ITGB5: variants seen among roughly 807,000 people sequenced by gnomAD.
The protein encoded by ITGB5 is integrin subunit beta 5, also known as integrin beta-5.
ITGB5 carries 38 observed loss-of-function variants against 84.8 expected under a neutral mutation model. The observed-to-expected ratio is 0.45, with a 90% confidence interval of 0.35 to 0.59. The LOEUF (loss-of-function observed/expected upper bound fraction) is 0.59, where lower values mean the gene tolerates loss of function less well. Ranked by LOEUF, ITGB5 falls within the 20% of genes least tolerant of loss-of-function variation. The probability of loss-of-function intolerance (pLI) is 0.01; values close to 1 mark genes in which losing one functional copy is unlikely to be tolerated. For missense variants in ITGB5, 905 were observed against 1,034.5 expected (o/e 0.87, Z 1.72); for synonymous variants, 393 against 414.4 (o/e 0.95, Z 0.63).
intron 1 of ITGB5, among the ~76,000 whole-genome samples, chr3:124,895,855 A>G (rs1216055756): frequency 2.0e-5 from 3 of 152,214 alleles, no homozygotes; most frequent in African/African-American, 7.2e-5. Flanking sequence ...ATTGAGTTCC[A>G]GTCCTCATTG....
intron 2 of ITGB5, among the ~76,000 whole-genome samples, chr3:124,871,933 G>A (rs188320809): frequency 3.5e-4 from 54 of 152,248 alleles, no homozygotes; most frequent in Non-Finnish European, 6.3e-4. Context: ...GAGAAACACC[G>A]GGAAGATCAG....
chr3:124,871,397 T>C (rs1934042478), intron 2 of ITGB5, among the ~76,000 whole-genome samples: 1 of 152,156 alleles, frequency 6.6e-6, no homozygotes, highest in African/African-American at 2.4e-5. Flanking sequence ...GGTTTCACCA[T>C]ATTGGCCAGG....
intron 1 of ITGB5, among the ~76,000 whole-genome samples, chr3:124,881,882 C>T (rs375243453): frequency 6.6e-6 from 1 of 152,124 alleles, no homozygotes; most frequent in East Asian, 1.9e-4. Flanking sequence ...GCAGGAGAAT[C>T]GCTTGAACCT....
chr3:124,762,881 G>A lies in ITGB5; in HGVS notation c.*742C>T, dbSNP rs890855080. 3.3e-5 allele frequency: 5 copies of A among 152,228 alleles called. No individual in the cohort carries two copies. The South Asian group carries it at 8.3e-4, about 25-fold the overall frequency. The allele number at this position is 152,228 out of a possible 1,614,324, so 9.4% of individuals were successfully genotyped here. A position where few individuals can be genotyped will look rare whatever the true frequency, so the allele number is the denominator to read the frequency against. ...GTGTCCCATCCCTGAGGAAGTACAC[G>A]GCCGCTTCAATCCCCACTGGGGGCA... On this transcript the variant is annotated 3_prime_UTR_variant, in exon 15 of 15. Coordinates refer to ENST00000296181, the MANE Select transcript of ITGB5 (RefSeq NM_002213.5).
At chr3:124,842,408 A>G (rs1024992937) in intron 4 of ITGB5, among the ~76,000 whole-genome samples, 1 of 152,218 alleles carries the variant, frequency 6.6e-6, no homozygotes, top group African/African-American at 2.4e-5. Flanking sequence ...TAGAACTAAT[A>G]AAGTTGGAAG....
At chr3:124,783,177 G>A (rs1016747586) in intron 10 of ITGB5, among the ~76,000 whole-genome samples, 2 of 151,106 alleles carry the variant, frequency 1.3e-5, no homozygotes, top group African/African-American at 4.9e-5. Context: ...TGTAATTCCA[G>A]CTACTCCAGA....
At chr3:124,782,473 G>A (rs2064018823) in intron 10 of ITGB5, among the ~76,000 whole-genome samples, 1 of 152,218 alleles carries the variant, frequency 6.6e-6, no homozygotes, top group African/African-American at 2.4e-5. Flanking sequence ...CTATTTTAGT[G>A]GAGTCACAGG....
chr3:124,784,421 C>T (rs2064050782), intron 10 of ITGB5, among the ~76,000 whole-genome samples: 1 of 152,196 alleles, frequency 6.6e-6, no homozygotes, highest in African/African-American at 2.4e-5. Flanking sequence ...GGGAGGATAG[C>T]TTGAGCCCAG....
At chr3:124,806,872 C>T (rs1215293640) in intron 9 of ITGB5, among the ~76,000 whole-genome samples, 2 of 151,770 alleles carry the variant, frequency 1.3e-5, no homozygotes, top group African/African-American at 4.8e-5. Flanking sequence ...CAACTTCCTA[C>T]AATTATTAAA....
chr3:124,805,133 T>TTCTCTCTCTCTCTCTC lies in ITGB5; in HGVS notation c.1263+3873_1263+3888dup, dbSNP rs113766698. Among the ~76,000 whole-genome samples the TTCTCTCTCTCTCTCTC allele has an allele frequency of 7.5e-4, 107 of 142,100 alleles. 1 individual carries two copies. The highest frequency in any genetic ancestry group is 2.8e-3 in the African/African-American group (107 of 38,290). 93.2% of individuals were successfully genotyped at this position (142,100 alleles called of 152,430 possible). On this transcript the variant is annotated intron_variant, in intron 9 of 14. Transcript: ENST00000296181. ...CCTTCCTTTCCCTTCCTTTCTCCCTTTCTCTCTCTCTCTCTCTTTCTTTCT... is the reference window on the plus strand; with the variant it reads ...CCTTCCTTTCCCTTCCTTTCTCCCTTTCTCTCTCTCTCTCTCTCTCTCTCTCTCTCTCTTTCTTTCT...
rs186976882 is a variant in ITGB5, at chr3:124,873,574, A to C, written c.71-43T>G. 7.6e-5 allele frequency: 108 copies of C among 1,414,452 alleles called. No individual in the cohort carries two copies. In the African/African-American group the frequency reaches 1.4e-3, roughly 19 times the overall value. The allele number at this position is 1,414,452 out of a possible 1,614,324, so 87.6% of individuals were successfully genotyped here. On this transcript the variant is annotated intron_variant, in intron 1 of 14. Coordinates refer to ENST00000296181, the MANE Select transcript of ITGB5 (RefSeq NM_002213.5). ...GATGCACTAATTAGTTCCTGGCTATAAACTTCATGGATCAAGCCTTTGAAT... is the reference window on the plus strand; with the variant it reads ...GATGCACTAATTAGTTCCTGGCTATCAACTTCATGGATCAAGCCTTTGAAT...
intron 10 of ITGB5, among the ~76,000 whole-genome samples, chr3:124,775,276 G>A (rs371530825): frequency 2.2e-4 from 31 of 143,836 alleles, no homozygotes; most frequent in African/African-American, 7.0e-4. Flanking sequence ...TTAAGTGTAT[G>A]TTTGTGAGTG....
intron 1 of ITGB5, among the ~76,000 whole-genome samples, chr3:124,897,926 A>T (rs1470816225): frequency 6.6e-6 from 1 of 152,134 alleles, no homozygotes; most frequent in Non-Finnish European, 1.5e-5. Context: ...CTGTTATGTG[A>T]CAAGTTCTAA....
intron 10 of ITGB5, among the ~76,000 whole-genome samples, chr3:124,780,096 GCC>G (rs1346885514): frequency 4.1e-5 from 5 of 122,276 alleles, no homozygotes; most frequent in African/African-American, 2.2e-4. Context: ...CCTCAGCGAG[GCC>G]TCTGAGGCAG....
chr3:124,809,055 C>T lies in ITGB5; in HGVS notation c.1230G>A (p.Gln410=), dbSNP rs775717493. ...CAATCTTCAGACCCTCACACTTCCT[C>T]TGACCAGGATAGGATACCCCATCTT... ...TCQDGVSYPG[Q]RKCEGLKIGD... Residue 410 remains glutamine, a synonymous_variant, in exon 9 of 15, where the codon CAG becomes CAA. Coordinates refer to ENST00000296181, the MANE Select transcript of ITGB5 (RefSeq NM_002213.5). The T allele has an allele frequency of 6.2e-7, 1 of 1,614,170 alleles. No individual in the cohort carries two copies.
At chr3:124,797,013 G>A (rs2107517718) in intron 9 of ITGB5, among the ~76,000 whole-genome samples, 196 bp from the exon 10 acceptor site, 1 of 152,306 alleles carries the variant, frequency 6.6e-6, no homozygotes, top group Admixed American at 6.5e-5. Flanking sequence ...AGAAGAGAAT[G>A]CACAGGTGAG....
chr3:124,826,763 T>C (rs1300099244), intron 5 of ITGB5, among the ~76,000 whole-genome samples: 1 of 152,246 alleles, frequency 6.6e-6, no homozygotes, highest in Non-Finnish European at 1.5e-5. Context: ...GTTTGTTGAA[T>C]GGAAGGTTGC....
chr3:124,841,389 G>C lies in ITGB5; in HGVS notation c.774C>G (p.Val258=), dbSNP rs2065008157. 1 of 1,613,716 alleles carries C rather than the reference G, an allele frequency of 6.2e-7. No individual in the cohort carries two copies. Among genetic ancestry groups the C allele is most frequent in the South Asian group, 1.1e-5 (1 of 91,022 alleles). Residue 258 remains valine (V), a synonymous_variant, in exon 5 of 15, where the codon GTC becomes GTG. Coordinates refer to ENST00000296181, the MANE Select transcript of ITGB5 (RefSeq NM_002213.5). The part of the protein sequence containing the change: ...GGFDAVLQAA[V]CKEKIGWRKD... Reference sequence around the variant, plus strand: ...GACCAGAAAGGAAAGTTACCTTGCAGACGGCTGCCTGGAGTACTGCATCAA... The same window carrying C: ...GACCAGAAAGGAAAGTTACCTTGCACACGGCTGCCTGGAGTACTGCATCAA...
At chr3:124,808,394 C>G (rs186402985) in intron 9 of ITGB5, among the ~76,000 whole-genome samples, 2 of 152,328 alleles carry the variant, frequency 1.3e-5, no homozygotes, top group African/African-American at 4.8e-5. Flanking sequence ...CATCACCACT[C>G]GCGGCCTCTG....
Sources: allele counts gnomAD v4.1 joint callset (sites outside exome capture counted in the v4.1 genomes callset), GRCh38; gene constraint gnomAD v4.1.1; transcripts MANE v1.5; gene names NCBI Gene and HGNC (gene_info 2026-07-23, HGNC 2026-07-21).